ZNF362: variants seen among roughly 807,000 people sequenced by gnomAD.
ZNF362 encodes the protein zinc finger protein 362.
ZNF362 carries 11 observed loss-of-function variants against 42.9 expected under a neutral mutation model. That is an observed-to-expected ratio of 0.26 (90% CI 0.16 to 0.42). The LOEUF (loss-of-function observed/expected upper bound fraction) is 0.42. ZNF362 is among the 20% of genes least tolerant of loss of function. The pLI is 1.00. For synonymous variants in ZNF362, 255 were observed against 257.3 expected (o/e 0.99, Z 0.09); for missense variants, 362 against 576.2 (o/e 0.63, Z 3.81).
the ZNF362 span, among the ~76,000 whole-genome samples, chr1:33,202,117 G>A: frequency 6.6e-6 from 1 of 152,150 alleles, no homozygotes; most frequent in Non-Finnish European, 1.5e-5. Flanking sequence ...AATTGAATTC[G>A]TATTTAAAAG....
the ZNF362 span, among the ~76,000 whole-genome samples, chr1:33,232,322 T>G: frequency 9.9e-5 from 15 of 152,152 alleles, no homozygotes; most frequent in Non-Finnish European, 1.5e-4. Flanking sequence ...TGGAGTGCAG[T>G]GGTGTGATCT....
chr1:33,167,086 C>G, the ZNF362 span, among the ~76,000 whole-genome samples: 2 of 152,250 alleles, frequency 1.3e-5, no homozygotes, highest in South Asian at 2.1e-4. The surrounding 1 kb of genome is among the most constrained non-coding windows in gnomAD (Gnocchi z 4.2). Flanking sequence ...CCTGGCTATT[C>G]CCTCTGGCTG....
At chr1:33,179,078 C>G in the ZNF362 span, among the ~76,000 whole-genome samples, 2 of 152,226 alleles carry the variant, frequency 1.3e-5, no homozygotes, top group African/African-American at 2.4e-5. Flanking sequence ...CTTCTCCAGG[C>G]CTCACTTTCC....
At chr1:33,174,427 T>C in the ZNF362 span, among the ~76,000 whole-genome samples, 2 of 152,182 alleles carry the variant, frequency 1.3e-5, no homozygotes, top group African/African-American at 4.8e-5. Flanking sequence ...CAAGCAATCC[T>C]CTTGCCTTGA....
At chr1:33,203,235 C>G in the ZNF362 span, among the ~76,000 whole-genome samples, 2 of 151,974 alleles carry the variant, frequency 1.3e-5, no homozygotes, top group African/African-American at 4.8e-5. Flanking sequence ...ATTTTCCTTT[C>G]TGTGTTTGGC....
rs1646105631 is a variant in ZNF362, at chr1:33,294,817, T to C, written c.909-120T>C. ...TCTTGCCTGGGCTCACTCTTGGTCC[T>C]TGGGGAGCATGGGCAGGGTAGGGAC... On this transcript the variant is annotated intron_variant, in intron 6 of 8. Transcript: ENST00000539719. The surrounding 1 kb of genome is among the most constrained non-coding windows in gnomAD (Gnocchi z 4.2). The C allele has an allele frequency of 9.2e-7, 1 of 1,083,798 alleles. No individual in the cohort carries two copies. The highest frequency in any genetic ancestry group is 1.6e-5 in the African/African-American group (1 of 63,562). The allele number at this position is 1,083,798 out of a possible 1,614,324, so 67.1% of individuals were successfully genotyped here. A position where few individuals can be genotyped will look rare whatever the true frequency, so the allele number is the denominator to read the frequency against.
chr1:33,156,215 C>G, the ZNF362 span, among the ~76,000 whole-genome samples: 1 of 152,222 alleles, frequency 6.6e-6, no homozygotes, highest in African/African-American at 2.4e-5. Flanking sequence ...AATCATCTCA[C>G]AGATATGCTG....
chr1:33,290,838 G>A (rs1318960872), intron 6 of ZNF362, among the ~76,000 whole-genome samples: 1 of 152,316 alleles, frequency 6.6e-6, no homozygotes, highest in East Asian at 1.9e-4. Flanking sequence ...TTTTTCATAT[G>A]TCTTTTGGCT....
At chr1:33,197,198 C>T in the ZNF362 span, among the ~76,000 whole-genome samples, 1 of 152,124 alleles carries the variant, frequency 6.6e-6, no homozygotes, top group Admixed American at 6.5e-5. Flanking sequence ...GGCCTTCAGC[C>T]ATTGACTGAA....
the ZNF362 span, among the ~76,000 whole-genome samples, chr1:33,236,550 A>AAAAAAAAAAAATATAT: frequency 0.019 from 116 of 5,972 alleles, 11 homozygotes; most frequent in South Asian, 0.13. Flanking sequence ...AAAAAAAAAA[A>AAAAAAAAAAAATATAT]ATATATATAT....
chr1:33,166,990 C>G, the ZNF362 span, among the ~76,000 whole-genome samples: 1 of 152,226 alleles, frequency 6.6e-6, no homozygotes, highest in South Asian at 2.1e-4. Flanking sequence ...CTGTCTCCAA[C>G]ACCCTCCCCC....
At position 33,299,067 on chromosome 1, in the gene ZNF362, C is replaced by T. The variant is rs143607470; in HGVS notation, c.*21C>T. The T allele has an allele frequency of 0.017, 27,629 of 1,588,030 alleles. 302 individuals are homozygous for T. Among genetic ancestry groups the T allele is most frequent in the Non-Finnish European group, 0.02 (23,661 of 1,166,996 alleles). On this transcript the variant is annotated 3_prime_UTR_variant, in exon 9 of 9. Coordinates refer to ENST00000539719, the MANE Select transcript of ZNF362 (RefSeq NM_152493.3). Reference sequence around the variant, plus strand: ...TCTGAGCCCACTGGAGGCGCCGCCCCACCCGGCCCACTGGCAGACACAGAC... The same window carrying T: ...TCTGAGCCCACTGGAGGCGCCGCCCTACCCGGCCCACTGGCAGACACAGAC...
At chr1:33,269,489 C>T (rs1009544240) in intron 1 of ZNF362, among the ~76,000 whole-genome samples, 1 of 152,110 alleles carries the variant, frequency 6.6e-6, no homozygotes, top group Non-Finnish European at 1.5e-5. Flanking sequence ...CCTGCTCTCT[C>T]GCATTTGCTT....
the ZNF362 span, among the ~76,000 whole-genome samples, chr1:33,183,137 C>A: frequency 6.6e-6 from 1 of 152,280 alleles, no homozygotes; most frequent in East Asian, 1.9e-4. Flanking sequence ...GAGACCCGAA[C>A]TGGGGCCTCA....
Position 33,281,457 on chromosome 1 carries a change from G to A in ZNF362, c.684-130G>A. On this transcript the variant is annotated intron_variant, in intron 5 of 8. Coordinates refer to ENST00000539719, the MANE Select transcript of ZNF362 (RefSeq NM_152493.3). This position sits in a 1 kb window ranked among gnomAD's most constrained non-coding sequence, Gnocchi z 4.8. ...GACTGTCCCCTGTCTTTCCCAGGTG[G>A]TCCTGTGCTTCTTGGGCTCATCACA... The A allele has an allele frequency of 2.4e-6, 2 of 825,266 alleles. No homozygotes were observed. The highest frequency in any genetic ancestry group is 3.9e-6 in the Non-Finnish European group (2 of 510,262). The allele number at this position is 825,266 out of a possible 1,614,324, so 51.1% of individuals were successfully genotyped here. A position where few individuals can be genotyped will look rare whatever the true frequency, so the allele number is the denominator to read the frequency against.
chr1:33,242,394 A>T, the ZNF362 span, among the ~76,000 whole-genome samples: 1 of 152,192 alleles, frequency 6.6e-6, no homozygotes, highest in South Asian at 2.1e-4. Flanking sequence ...GAGAAATGCC[A>T]TGAGAAGTCA....
the ZNF362 span, among the ~76,000 whole-genome samples, chr1:33,196,711 A>G: frequency 2.0e-5 from 3 of 152,234 alleles, no homozygotes; most frequent in African/African-American, 7.2e-5. Context: ...GTTTATTATA[A>G]TTATCAAGTA....
intron 6 of ZNF362, among the ~76,000 whole-genome samples, chr1:33,282,443 G>A (rs1262655036): frequency 6.6e-6 from 1 of 152,208 alleles, no homozygotes. Context: ...CAGCAAGGAA[G>A]AAAACAGACG....
At chr1:33,202,391 T>C in the ZNF362 span, among the ~76,000 whole-genome samples, 1 of 151,718 alleles carries the variant, frequency 6.6e-6, no homozygotes, top group Non-Finnish European at 1.5e-5. Flanking sequence ...GGTCAGGAGA[T>C]TGAGATCATC....
Sources: allele counts gnomAD v4.1 joint callset (sites outside exome capture counted in the v4.1 genomes callset), GRCh38; gene constraint gnomAD v4.1.1; non-coding constraint Gnocchi (gnomAD v3.1); transcripts MANE v1.5; gene names NCBI Gene and HGNC (gene_info 2026-07-23, HGNC 2026-07-21).